Variants in AP3B2 observed in about 807,000 individuals in gnomAD.
AP3B2 encodes adaptor related protein complex 3 subunit beta 2, also known as AP-3 complex subunit beta-2.
In AP3B2, 50 loss-of-function variants were observed where a neutral mutation model predicts 126.9. The observed-to-expected ratio is 0.39, with a 90% confidence interval of 0.31 to 0.50. The LOEUF (loss-of-function observed/expected upper bound fraction) is 0.50, where lower values mean the gene tolerates loss of function less well. Among genes scored for constraint, AP3B2 ranks in the 20% least tolerant of loss-of-function variants. The probability of loss-of-function intolerance (pLI) is 0.79; values close to 1 mark genes in which losing one functional copy is unlikely to be tolerated. For synonymous variants in AP3B2, 541 were observed against 565.0 expected (o/e 0.96, Z 0.60); for missense variants, 1,177 against 1,426.4 (o/e 0.83, Z 2.82).
chr15:82,692,391 C>T (rs2048553943), intron 1 of AP3B2: 1 of 497,934 alleles, frequency 2.0e-6, no homozygotes, highest in South Asian at 2.6e-5. Context: ...CCCGCAATCC[C>T]CCCGCAGCGT....
At chr15:82,706,998 G>C (rs1034158926) in intron 1 of AP3B2, among the ~76,000 whole-genome samples, 9 of 152,220 alleles carry the variant, frequency 5.9e-5, no homozygotes, top group Non-Finnish European at 8.8e-5. Context: ...GGTCTGGGTA[G>C]ATACTTTCAC....
intron 1 of AP3B2, among the ~76,000 whole-genome samples, chr15:82,700,310 CT>C (rs2151459693): frequency 6.6e-6 from 1 of 151,642 alleles, no homozygotes; most frequent in South Asian, 2.1e-4. Flanking sequence ...CCCGCAACCC[CT>C]GTGTCTATCC....
Position 82,665,682 on chromosome 15 carries a change from G to T in AP3B2, c.1853-107C>A. The T allele has an allele frequency of 1.2e-6, 1 of 828,988 alleles. No homozygotes were observed. Among genetic ancestry groups the T allele is most frequent in the Non-Finnish European group, 2.0e-6 (1 of 500,904 alleles). 51.4% of individuals were successfully genotyped at this position (828,988 alleles called of 1,614,324 possible). On this transcript the variant is annotated intron_variant, in intron 15 of 26. Transcript: ENST00000535359. This position sits in a 1 kb window ranked among gnomAD's most constrained non-coding sequence, Gnocchi z 4.4. Reference sequence around the variant, plus strand: ...TGATTCTGGTTGGGACTTCCCAGGTGGGTAGGGGAAGGAGATGGATGTGTG... The same window carrying T: ...TGATTCTGGTTGGGACTTCCCAGGTTGGTAGGGGAAGGAGATGGATGTGTG...
rs759594744 is a variant in AP3B2, at chr15:82,663,668, GC to G, written c.2437-49del. On this transcript the variant is annotated intron_variant, in intron 20 of 26. Coordinates refer to ENST00000535359, the MANE Select transcript of AP3B2 (RefSeq NM_001278512.2). ...GGGTGTGGGGAAGGGGAGCACCTTG[GC>G]ATGTTCTGGGTTGGGTAGAAGATGT... The G allele has an allele frequency of 8.1e-6, 13 of 1,612,936 alleles. No homozygotes were observed. The Middle Eastern group carries it at 5.0e-4, about 61-fold the overall frequency.
At chr15:82,696,636 G>A (rs1266173597) in intron 1 of AP3B2, among the ~76,000 whole-genome samples, 3 of 152,312 alleles carry the variant, frequency 2.0e-5, no homozygotes, top group African/African-American at 7.2e-5. Flanking sequence ...AGCATTCACT[G>A]TCAGGGCTGC....
intron 1 of AP3B2, among the ~76,000 whole-genome samples, chr15:82,693,495 C>T (rs1419815048): frequency 6.6e-6 from 1 of 151,878 alleles, no homozygotes; most frequent in Non-Finnish European, 1.5e-5. Flanking sequence ...GATCTTCCCG[C>T]CTCATCCTCC....
rs905506621 is a variant in AP3B2, at chr15:82,696,315, C to T, written c.114-6862G>A. Among the ~76,000 whole-genome samples the T allele has an allele frequency of 7.9e-5, 12 of 152,114 alleles. No homozygotes were observed. In the East Asian group the frequency reaches 1.2e-3, roughly 15 times the overall value. ...AATAGAGGCCAGGTGTGGTGGCTCA[C>T]GCTTGTAATTCCAGCACTTTTGGAG... On this transcript the variant is annotated intron_variant, in intron 1 of 26. Transcript: ENST00000535359.
chr15:82,683,199 C>T (rs879267966), intron 4 of AP3B2, among the ~76,000 whole-genome samples: 14 of 148,336 alleles, frequency 9.4e-5, no homozygotes, highest in Admixed American at 4.1e-4. Context: ...GCTGGGACTA[C>T]AGGTGCCCGC....
intron 1 of AP3B2, chr15:82,699,687 T>C: frequency 2.5e-6 from 1 of 399,612 alleles, no homozygotes; most frequent in African/African-American, 2.1e-5. Flanking sequence ...CTTCCAGAGA[T>C]GCTTCTGGGG....
chr15:82,680,275 C>T lies in AP3B2; in HGVS notation c.1056-46G>A. Reference sequence around the variant, plus strand: ...AGCACCCCGGGCCCCTCGGTTGGGGCAAGGGTCAGCGGATGAGGGGAAAAG... The same window carrying T: ...AGCACCCCGGGCCCCTCGGTTGGGGTAAGGGTCAGCGGATGAGGGGAAAAG... On this transcript the variant is annotated intron_variant, in intron 8 of 26. Transcript: ENST00000535359. This position sits in a 1 kb window ranked among gnomAD's most constrained non-coding sequence, Gnocchi z 6.1. 1.9e-6 allele frequency: 3 copies of T among 1,612,350 alleles called. No individual in the cohort carries two copies. In the South Asian group the frequency reaches 3.3e-5, roughly 18 times the overall value.
intron 14 of AP3B2, among the ~76,000 whole-genome samples, chr15:82,669,230 GCAAT>G (rs1339142611): frequency 1.3e-5 from 2 of 152,168 alleles, no homozygotes; most frequent in African/African-American, 4.8e-5. Flanking sequence ...TCTATCTAGA[GCAAT>G]CAGACAGGAG....
chr15:82,665,073 G>T lies in AP3B2; in HGVS notation c.2029-130C>A. 1 of 1,030,314 alleles carries T rather than the reference G, an allele frequency of 9.7e-7. No individual in the cohort carries two copies. The highest frequency in any genetic ancestry group is 1.4e-6 in the Non-Finnish European group (1 of 692,012). The allele number at this position is 1,030,314 out of a possible 1,614,324, so 63.8% of individuals were successfully genotyped here. ...GGTCTGTCCCACAAAGGGAATAACAGAGGAGGAAGAAAGGGGCACTGTCCA... is the reference window on the plus strand; with the variant it reads ...GGTCTGTCCCACAAAGGGAATAACATAGGAGGAAGAAAGGGGCACTGTCCA... On this transcript the variant is annotated intron_variant, in intron 17 of 26. Transcript: ENST00000535359. The surrounding 1 kb of genome is among the most constrained non-coding windows in gnomAD (Gnocchi z 4.4).
intron 21 of AP3B2, 114 bp downstream of exon 21, chr15:82,663,446 C>A: frequency 2.4e-6 from 3 of 1,243,590 alleles, no homozygotes; most frequent in Non-Finnish European, 3.5e-6. Context: ...TATGTTCTGT[C>A]TGCTCCCCTG....
At position 82,677,739 on chromosome 15, in the gene AP3B2, G is replaced by A; in HGVS notation, c.1310C>T (p.Ala437Val). 6.2e-7 allele frequency: 1 copy of A among 1,612,060 alleles called. No individual in the cohort carries two copies. Among genetic ancestry groups the A allele is most frequent in the Non-Finnish European group, 8.5e-7 (1 of 1,179,048 alleles). Reference protein sequence around the residue: ...AATIQAIGRCATNIGRVRDTC... With the variant: ...AATIQAIGRCVTNIGRVRDTC... ...GTCACGGACTCGGCCGATGTTAGTTGCACAGCGTCCAATGGCCTGGATTGT... is the reference window on the plus strand; with the variant it reads ...GTCACGGACTCGGCCGATGTTAGTTACACAGCGTCCAATGGCCTGGATTGT... The change falls in exon 12 of 27, where the codon GCA (alanine) becomes GTA (valine). Residue 437 changes from alanine (A) to valine (V), a missense_variant. Physicochemically the swap from Ala to Val is moderately conservative, Grantham distance 64. Transcript: ENST00000535359.
Position 82,669,926 on chromosome 15 carries a change from G to A in AP3B2, c.1666-2993C>T, listed in dbSNP as rs576657928. Among the ~76,000 whole-genome samples, 9 of 146,640 alleles carry A rather than the reference G, an allele frequency of 6.1e-5. No individual in the cohort carries two copies. In the South Asian group the frequency reaches 9.1e-4, roughly 15 times the overall value. On this transcript the variant is annotated intron_variant, in intron 14 of 26. Transcript: ENST00000535359. ...TGAGGCAGGAGAATTGCTTGAACCCGGGAGGCAGAGGTTGTGGTGAGTGGA... is the reference window on the plus strand; with the variant it reads ...TGAGGCAGGAGAATTGCTTGAACCCAGGAGGCAGAGGTTGTGGTGAGTGGA...
Position 82,664,112 on chromosome 15 carries a change from C to A in AP3B2, c.2262-137G>T. The A allele has an allele frequency of 2.1e-6, 3 of 1,404,160 alleles. No homozygotes were observed. Among genetic ancestry groups the A allele is most frequent in the Non-Finnish European group, 2.8e-6 (3 of 1,065,234 alleles). The allele number at this position is 1,404,160 out of a possible 1,614,324, so 87.0% of individuals were successfully genotyped here. A position where few individuals can be genotyped will look rare whatever the true frequency, so the allele number is the denominator to read the frequency against. Reference sequence around the variant, plus strand: ...AGGGTTCACACCTGAGGTCCTATAGCAGGGACCCCGTGAGAGCTTGAAGCC... The same window carrying A: ...AGGGTTCACACCTGAGGTCCTATAGAAGGGACCCCGTGAGAGCTTGAAGCC... On this transcript the variant is annotated intron_variant, in intron 19 of 26. Transcript: ENST00000535359. This position sits in a 1 kb window ranked among gnomAD's most constrained non-coding sequence, Gnocchi z 4.5.
At chr15:82,685,927 G>T (rs973165901) in intron 4 of AP3B2, 2 of 152,146 alleles carry the variant, frequency 1.3e-5, no homozygotes, top group African/African-American at 2.4e-5. Flanking sequence ...TATTGAATAA[G>T]ATCCTTCCTA....
At chr15:82,682,955 T>A (rs1446282784) in intron 4 of AP3B2, among the ~76,000 whole-genome samples, 1 of 149,724 alleles carries the variant, frequency 6.7e-6, no homozygotes, top group East Asian at 2.0e-4. Context: ...TCAGTCCTCT[T>A]AAACTCTGCC....
chr15:82,687,419 G>C (rs1363706386), intron 4 of AP3B2: 1 of 152,212 alleles, frequency 6.6e-6, no homozygotes, highest in South Asian at 2.1e-4. Flanking sequence ...TTTTCTAAAA[G>C]GGGGACAGGG....
Sources: allele counts gnomAD v4.1 joint callset (sites outside exome capture counted in the v4.1 genomes callset), GRCh38; gene constraint gnomAD v4.1.1; non-coding constraint Gnocchi (gnomAD v3.1); transcripts MANE v1.5; gene names NCBI Gene and HGNC (gene_info 2026-07-23, HGNC 2026-07-21).